Variants in HDHD2 observed in about 807,000 individuals in gnomAD.
The protein encoded by HDHD2 is haloacid dehalogenase like hydrolase domain containing 2.
Under a neutral mutation model 24.8 loss-of-function variants are expected in HDHD2, and 26 were observed. That is an observed-to-expected ratio of 1.05 (90% CI 0.77 to 1.45). HDHD2 has a LOEUF of 1.45. Ranked by LOEUF, HDHD2 falls within the 40% of genes most tolerant of loss-of-function variation. The pLI is 0.00. For missense variants in HDHD2, 299 were observed against 313.4 expected (o/e 0.95, Z 0.35); for synonymous variants, 128 against 114.9 (o/e 1.11, Z -0.73).
chr18:47,127,218 T>C (rs1040123281), intron 4 of HDHD2, among the ~76,000 whole-genome samples: 4 of 152,122 alleles, frequency 2.6e-5, no homozygotes, highest in Admixed American at 2.6e-4. Flanking sequence ...CAATTCATTG[T>C]GCTTCTTAAA....
chr18:47,108,338 C>G lies in HDHD2; in HGVS notation c.*344G>C, dbSNP rs1040488909. Reference sequence around the variant, plus strand: ...ACTTTCTTCACAGTCTGAAATCCCCCCTCCCTGTTTTCCAGTGAAGAGACA... The same window carrying G: ...ACTTTCTTCACAGTCTGAAATCCCCGCTCCCTGTTTTCCAGTGAAGAGACA... On this transcript the variant is annotated 3_prime_UTR_variant, in exon 7 of 7. Coordinates refer to ENST00000300605, the MANE Select transcript of HDHD2 (RefSeq NM_032124.5). 4.6e-5 allele frequency: 9 copies of G among 196,476 alleles called. No homozygotes were observed. The highest frequency in any genetic ancestry group is 7.2e-5 in the Non-Finnish European group (7 of 97,778). The allele number at this position is 196,476 out of a possible 1,614,324, so 12.2% of individuals were successfully genotyped here.
Position 47,134,502 on chromosome 18 carries a change from A to T in HDHD2, c.304T>A (p.Phe102Ile), listed in dbSNP as rs925115409. Residue 102 changes from phenylalanine to isoleucine, a missense_variant, in exon 3 of 7, where the codon TTC (phenylalanine) becomes ATC (isoleucine). Phe to Ile is a conservative substitution (Grantham distance 21). Transcript: ENST00000300605. ...TTTTCCAAATTTCCCCTACCTTTGA[A>T]ATCAGGTAGTGCCCGATCATCAACT... ...LLVDDRALPD[F>I]KGIQTSDPNA... 1 of 1,612,288 alleles carries T rather than the reference A, an allele frequency of 6.2e-7. No individual in the cohort carries two copies. Among genetic ancestry groups the T allele is most frequent in the Non-Finnish European group, 8.5e-7 (1 of 1,178,622 alleles).
At chr18:47,111,891 A>T (rs1213931950) in intron 6 of HDHD2, 1 of 680,460 alleles carries the variant, frequency 1.5e-6, no homozygotes, top group African/African-American at 1.9e-5. Context: ...CTTTGACTTT[A>T]TGTTTAAATA....
intron 4 of HDHD2, among the ~76,000 whole-genome samples, chr18:47,116,573 TC>T (rs2144292353): frequency 6.6e-6 from 1 of 152,290 alleles, no homozygotes; most frequent in East Asian, 1.9e-4. Flanking sequence ...ATTGGACAGA[TC>T]CTTCAAATTT....
intron 1 of HDHD2, among the ~76,000 whole-genome samples, chr18:47,146,122 G>T (rs190977794): frequency 1.3e-5 from 2 of 151,686 alleles, no homozygotes; most frequent in Admixed American, 6.6e-5. Context: ...CCAGCTACTC[G>T]GGAGGCTGAG....
intron 6 of HDHD2, chr18:47,111,674 C>T (rs1480229137): frequency 1.2e-5 from 12 of 985,310 alleles, no homozygotes; most frequent in Non-Finnish European, 1.4e-5. Flanking sequence ...ATCTGCAAGG[C>T]TCCAATGGTT....
intron 3 of HDHD2, among the ~76,000 whole-genome samples, chr18:47,130,679 C>A (rs2063705516): frequency 6.6e-6 from 1 of 152,154 alleles, no homozygotes; most frequent in Non-Finnish European, 1.5e-5. Context: ...TGATTACAAT[C>A]AACAATAACT....
intron 4 of HDHD2, among the ~76,000 whole-genome samples, chr18:47,117,125 A>T (rs2063563877): frequency 6.6e-6 from 1 of 152,202 alleles, no homozygotes; most frequent in Admixed American, 6.5e-5. Context: ...TTGAGGATGG[A>T]CTGAAAAGTA....
intron 2 of HDHD2, 34 bp downstream of exon 2, chr18:47,136,305 C>T (rs1185860612): frequency 1.2e-6 from 2 of 1,611,356 alleles, no homozygotes. Flanking sequence ...CACTTACAAA[C>T]ATATTTGTCA....
intron 4 of HDHD2, among the ~76,000 whole-genome samples, chr18:47,119,276 T>C (rs1599929616): frequency 6.6e-6 from 1 of 152,224 alleles, no homozygotes; most frequent in African/African-American, 2.4e-5. Context: ...CTCTGTAGTA[T>C]GTGATGTTGT....
intron 1 of HDHD2, among the ~76,000 whole-genome samples, chr18:47,140,078 C>T (rs1049948051): frequency 1.1e-4 from 16 of 152,240 alleles, no homozygotes; most frequent in African/African-American, 3.6e-4. Context: ...TTACCAATTG[C>T]TTAGTTTTAC....
chr18:47,136,323 C>T lies in HDHD2; in HGVS notation c.101+16G>A, dbSNP rs1464792147. ...TTACAAACATATTTGTCAGCTGAAC[C>T]TGGAGGATAGCTTGCCTTTTAAGAG... On this transcript the variant is annotated intron_variant, in intron 2 of 6. Coordinates refer to ENST00000300605, the MANE Select transcript of HDHD2 (RefSeq NM_032124.5). 13 of 1,613,438 alleles carry T rather than the reference C, an allele frequency of 8.1e-6. No homozygotes were observed. Among genetic ancestry groups the T allele is most frequent in the Non-Finnish European group, 1.1e-5 (13 of 1,179,820 alleles).
intron 1 of HDHD2, among the ~76,000 whole-genome samples, chr18:47,142,374 C>T (rs905129326): frequency 1.3e-5 from 2 of 152,110 alleles, no homozygotes; most frequent in East Asian, 1.9e-4. Flanking sequence ...CAAAGCCTTA[C>T]TATCTGGCCC....
chr18:47,131,663 CTTGA>C (rs2144343319), intron 3 of HDHD2, among the ~76,000 whole-genome samples: 1 of 152,276 alleles, frequency 6.6e-6, no homozygotes, highest in Non-Finnish European at 1.5e-5. Flanking sequence ...ATTTAACTTA[CTTGA>C]TTTTTATTAT....
intron 2 of HDHD2, among the ~76,000 whole-genome samples, chr18:47,134,929 C>A (rs2063749735): frequency 6.6e-6 from 1 of 152,202 alleles, no homozygotes; most frequent in African/African-American, 2.4e-5. Context: ...CAGTAGAAAG[C>A]TCATCTGTAA....
rs1241574702 is a variant in HDHD2 at position 47,130,453 on chromosome 18, T to A, written c.311-125A>T. 5 of 632,610 alleles carry A rather than the reference T, an allele frequency of 7.9e-6. No homozygotes were observed. The East Asian group carries it at 1.4e-4, about 17-fold the overall frequency. 39.2% of individuals were successfully genotyped at this position (632,610 alleles called of 1,614,324 possible). ...TATCCATAATTTAAAATTTAATAGA[T>A]TATCCTGCCCAGTGTACTTTGGAAG... On this transcript the variant is annotated intron_variant, in intron 3 of 6. Transcript: ENST00000300605.
intron 4 of HDHD2, among the ~76,000 whole-genome samples, chr18:47,118,717 T>C (rs1453523756): frequency 6.6e-6 from 1 of 152,208 alleles, no homozygotes; most frequent in Admixed American, 6.5e-5. Flanking sequence ...ATCCTGTACT[T>C]GTACCCCGGA....
chr18:47,138,524 G>C (rs1014959082), intron 1 of HDHD2, among the ~76,000 whole-genome samples: 1 of 152,164 alleles, frequency 6.6e-6, no homozygotes, highest in Non-Finnish European at 1.5e-5. Flanking sequence ...AGTGACTTCA[G>C]GTGAAGAATA....
intron 1 of HDHD2, among the ~76,000 whole-genome samples, chr18:47,140,189 T>C (rs898754939): frequency 6.6e-6 from 1 of 152,232 alleles, no homozygotes; most frequent in African/African-American, 2.4e-5. Flanking sequence ...TTCAGCCACG[T>C]TGGTGCCTTT....
Sources: gnomAD v4.1 joint callset for allele counts (sites outside exome capture counted in the v4.1 genomes callset) on GRCh38, gnomAD v4.1.1 for gene constraint, MANE v1.5 for transcripts, NCBI Gene and HGNC (gene_info 2026-07-23, HGNC 2026-07-21) for gene names.